MAP7: variants seen among roughly 807,000 people sequenced by gnomAD.
MAP7 encodes the protein microtubule associated protein 7.
Under a neutral mutation model 94.8 loss-of-function variants are expected in MAP7, and 52 were observed. The observed-to-expected ratio is 0.55, with a 90% CI of 0.44 to 0.69. The LOEUF (loss-of-function observed/expected upper bound fraction) is 0.69. MAP7 is among the 30% of genes least tolerant of loss of function. MAP7 has a pLI of 0.00. For synonymous variants in MAP7, 350 were observed against 357.0 expected (o/e 0.98, Z 0.22); for missense variants, 940 against 964.6 (o/e 0.97, Z 0.34).
At chr6:136,364,430 A>G (rs1372481214) in intron 10 of MAP7, 1 of 325,880 alleles carries the variant, frequency 3.1e-6, no homozygotes, top group Middle Eastern at 1.1e-3. Context: ...TGAGGAGTCC[A>G]AGGAGGATAT....
intron 1 of MAP7, among the ~76,000 whole-genome samples, chr6:136,442,801 C>T (rs965309445): frequency 6.6e-6 from 1 of 152,194 alleles, no homozygotes; most frequent in East Asian, 1.9e-4. Context: ...CCTAGACCAT[C>T]TGCCTTCAAA....
chr6:136,360,920 G>T, intron 12 of MAP7, 85 bp downstream of exon 12: 1 of 1,544,080 alleles, frequency 6.5e-7, no homozygotes, highest in Non-Finnish European at 8.8e-7. Flanking sequence ...GGGAGCACCA[G>T]CAGTCCAGTC....
intron 1 of MAP7, among the ~76,000 whole-genome samples, chr6:136,495,047 G>T (rs892421869): frequency 6.6e-6 from 1 of 152,066 alleles, no homozygotes; most frequent in African/African-American, 2.4e-5. Flanking sequence ...CACAAAATGA[G>T]GCCTAGCAGA....
At chr6:136,430,720 T>C (rs2128805771) in intron 1 of MAP7, among the ~76,000 whole-genome samples, 1 of 152,342 alleles carries the variant, frequency 6.6e-6, no homozygotes, top group South Asian at 2.1e-4. Flanking sequence ...ATTCTCCCCA[T>C]GCTGTCCTGT....
chr6:136,489,217 G>C (rs569995075), intron 1 of MAP7, among the ~76,000 whole-genome samples: 1 of 152,124 alleles, frequency 6.6e-6, no homozygotes, highest in Non-Finnish European at 1.5e-5. Context: ...CATCTGTTGG[G>C]GGGAAGGGGA....
chr6:136,357,753 A>G (rs1791426751), intron 15 of MAP7, among the ~76,000 whole-genome samples: 1 of 152,152 alleles, frequency 6.6e-6, no homozygotes, highest in Non-Finnish European at 1.5e-5. Context: ...TCAGCCTCCC[A>G]AAGTGTTGGG....
Position 136,359,978 on chromosome 6 carries a change from T to C in MAP7, c.1854+3A>G, listed in dbSNP as rs750314770. 6 of 1,613,324 alleles carry C rather than the reference T, an allele frequency of 3.7e-6. No individual in the cohort carries two copies. The highest frequency in any genetic ancestry group is 3.3e-5 in the South Asian group (3 of 90,820). ...AGTAGTTAGAAAACGGCCATGTCAATACCTTATCTGTAGCTTCTGTTCTCC... is the reference window on the plus strand; with the variant it reads ...AGTAGTTAGAAAACGGCCATGTCAACACCTTATCTGTAGCTTCTGTTCTCC... On this transcript the variant is annotated splice_donor_region_variant and intron_variant, in intron 14 of 17. Coordinates refer to ENST00000354570, the MANE Select transcript of MAP7 (RefSeq NM_003980.6).
At chr6:136,406,403 T>G (rs2128724866) in intron 3 of MAP7, among the ~76,000 whole-genome samples, 1 of 152,308 alleles carries the variant, frequency 6.6e-6, no homozygotes, top group East Asian at 1.9e-4. Context: ...CTCCTAAAAC[T>G]TCTGAAAATT....
At position 136,377,866 on chromosome 6, in the gene MAP7, G is replaced by T. The variant is rs758752026; in HGVS notation, c.640C>A (p.Arg214Ser). 1.2e-6 allele frequency: 2 copies of T among 1,610,060 alleles called. No homozygotes were observed. The highest frequency in any genetic ancestry group is 2.7e-5 in the African/African-American group (2 of 74,806). Residue 214 changes from arginine (R) to serine (S), a missense_variant and splice_region_variant, in exon 7 of 18, where the codon CGC (arginine) becomes AGC (serine). Coordinates refer to ENST00000354570, the MANE Select transcript of MAP7 (RefSeq NM_003980.6). ...ATLLNSPDRA[R>S]RLQLSPWESS... ...TCCCATGGGCTGAGCTGCAGGCGGC[G>T]AGCTAAACGTCACCACATAAGCAAG...
Position 136,362,494 on chromosome 6 carries a change from T to C in MAP7, c.1482A>G (p.Arg494=). The change falls in exon 11 of 18, where the codon AGA becomes AGG. Residue 494 remains arginine, a synonymous_variant. Coordinates refer to ENST00000354570, the MANE Select transcript of MAP7 (RefSeq NM_003980.6). ...CCCTCCTCTCCCTTTCTTCCTTTTC[T>C]CTCTGCTCTCGGGCCAGCCGCCTCT... ...AEKRRLAREQ[R]EKEERERREQ... 6.2e-7 allele frequency: 1 copy of C among 1,614,164 alleles called. No homozygotes were observed. Among genetic ancestry groups the C allele is most frequent in the Non-Finnish European group, 8.5e-7 (1 of 1,180,026 alleles).
chr6:136,468,992 GTT>G (rs964945139), intron 1 of MAP7, among the ~76,000 whole-genome samples: 2 of 146,744 alleles, frequency 1.4e-5, no homozygotes, highest in Non-Finnish European at 1.5e-5. Context: ...GTTTTTTGTT[GTT>G]TTTTTTTTTA....
intron 8 of MAP7, among the ~76,000 whole-genome samples, chr6:136,370,277 C>T (rs1041337678): frequency 6.6e-6 from 1 of 152,038 alleles, no homozygotes; most frequent in Non-Finnish European, 1.5e-5. Flanking sequence ...CGATTGTTGG[C>T]GAGAATGTGG....
At chr6:136,485,718 A>G (rs1382590672) in intron 1 of MAP7, among the ~76,000 whole-genome samples, 2 of 151,102 alleles carry the variant, frequency 1.3e-5, no homozygotes, top group African/African-American at 2.4e-5. Context: ...GCCCGCCACT[A>G]CGCCCGGCTA....
In MAP7 at chr6:136,360,727, T is replaced by C. The variant is rs760195190; in HGVS notation, c.1773A>G (p.Arg591=). ...VRQEREKHFQ[R]EEQERLERKK... ...TTCTCTCCAGGCGCTCTTGCTCTTC[T>C]CTCTGGAAATGCTTCTCTCGTTCCT... The change falls in exon 13 of 18, where the codon AGA becomes AGG. Residue 591 remains arginine (R), a synonymous_variant. Coordinates refer to ENST00000354570, the MANE Select transcript of MAP7 (RefSeq NM_003980.6). 3 of 1,614,038 alleles carry C rather than the reference T, an allele frequency of 1.9e-6. No individual in the cohort carries two copies. Among genetic ancestry groups the C allele is most frequent in the African/African-American group, 2.7e-5 (2 of 74,940 alleles).
At chr6:136,513,630 T>A (rs925754944) in intron 1 of MAP7, among the ~76,000 whole-genome samples, 2 of 152,310 alleles carry the variant, frequency 1.3e-5, no homozygotes, top group Middle Eastern at 3.4e-3. Context: ...GAGTTTTGTA[T>A]GGTAGATGCA....
intron 1 of MAP7, among the ~76,000 whole-genome samples, chr6:136,438,769 T>C (rs2128835161): frequency 6.6e-6 from 1 of 152,286 alleles, no homozygotes; most frequent in South Asian, 2.1e-4. Flanking sequence ...ACCAAGACCT[T>C]CAGGAAAATG....
intron 1 of MAP7, among the ~76,000 whole-genome samples, chr6:136,508,610 C>G (rs1386185466): frequency 2.0e-5 from 3 of 152,142 alleles, no homozygotes; most frequent in African/African-American, 7.2e-5. Flanking sequence ...CAGTCAACTT[C>G]TAAGTCTCAT....
chr6:136,522,291 T>C (rs973857714), intron 1 of MAP7, among the ~76,000 whole-genome samples: 1 of 151,958 alleles, frequency 6.6e-6, no homozygotes, highest in Admixed American at 6.6e-5. Flanking sequence ...GTAATAACAG[T>C]CAGGTATGTA....
At chr6:136,507,971 TA>T (rs1170487914) in intron 1 of MAP7, among the ~76,000 whole-genome samples, 1 of 152,174 alleles carries the variant, frequency 6.6e-6, no homozygotes, top group African/African-American at 2.4e-5. Flanking sequence ...CATTCCAATT[TA>T]AAATTTCAGA....
Sources: allele counts gnomAD v4.1 joint callset (sites outside exome capture counted in the v4.1 genomes callset), GRCh38; gene constraint gnomAD v4.1.1; transcripts MANE v1.5; gene names NCBI Gene and HGNC (gene_info 2026-07-23, HGNC 2026-07-21).